GLIPR1L1: variants seen among roughly 807,000 people sequenced by gnomAD.
GLIPR1L1 encodes GLIPR1-like protein 1.
GLIPR1L1 carries 26 observed loss-of-function variants against 29.9 expected under a neutral mutation model. That is an observed-to-expected ratio of 0.87 (90% confidence interval 0.64 to 1.21). The LOEUF is 1.21. Ranked by LOEUF, GLIPR1L1 falls within the 50% of genes most tolerant of loss-of-function variation. The probability of loss-of-function intolerance (pLI) is 0.00; values close to 1 mark genes in which losing one functional copy is unlikely to be tolerated. For synonymous variants in GLIPR1L1, 77 were observed against 97.5 expected (o/e 0.79, Z 1.24); for missense variants, 305 against 290.3 (o/e 1.05, Z -0.37).
intron 1 of GLIPR1L1, among the ~76,000 whole-genome samples, chr12:75,339,582 G>A (rs989309109): frequency 3.3e-5 from 5 of 152,106 alleles, no homozygotes; most frequent in Admixed American, 2.0e-4. Context: ...CCGTACAGAA[G>A]CTCTTTAATT....
intron 4 of GLIPR1L1, among the ~76,000 whole-genome samples, chr12:75,368,896 CTT>C (rs1487090256): frequency 6.6e-6 from 1 of 151,778 alleles, no homozygotes; most frequent in Non-Finnish European, 1.5e-5. Flanking sequence ...TTGTGGAAGA[CTT>C]TAGCAAATTT....
At chr12:75,340,780 A>C (rs2042050847) in intron 1 of GLIPR1L1, among the ~76,000 whole-genome samples, 1 of 152,050 alleles carries the variant, frequency 6.6e-6, no homozygotes, top group Non-Finnish European at 1.5e-5. Flanking sequence ...CAGAAGACTG[A>C]CATTTAGCCA....
chr12:75,370,163 TGA>T lies in GLIPR1L1; in HGVS notation c.719_720del (p.Arg240AsnfsTer17). The T allele has an allele frequency of 6.5e-7, 1 of 1,543,474 alleles. No homozygotes were observed. The highest frequency in any genetic ancestry group is 8.9e-7 in the Non-Finnish European group (1 of 1,118,014). On this transcript the variant is annotated frameshift_variant, in exon 6 of 6. Coordinates refer to ENST00000378695, the MANE Select transcript of GLIPR1L1 (RefSeq NM_001304964.2). LOFTEE classifies it high-confidence loss of function. ...CCATTCAGCTTAGGTTTTCTTCTTC[TGA>T]GAATCTTTTAATGTCATTTATATAC...
chr12:75,346,967 A>G (rs903879460), intron 2 of GLIPR1L1, among the ~76,000 whole-genome samples: 1 of 151,740 alleles, frequency 6.6e-6, no homozygotes, highest in African/African-American at 2.4e-5. Flanking sequence ...TTATTCTATC[A>G]TTGTCACAAA....
intron 3 of GLIPR1L1, among the ~76,000 whole-genome samples, chr12:75,351,736 G>A (rs1481962211): frequency 7.9e-5 from 12 of 152,100 alleles, no homozygotes; most frequent in African/African-American, 2.2e-4. Context: ...TAGTACAGAC[G>A]GGGTTTTGCC....
intron 4 of GLIPR1L1, among the ~76,000 whole-genome samples, chr12:75,364,109 A>C (rs138686639): frequency 6.6e-6 from 1 of 152,334 alleles, no homozygotes; most frequent in East Asian, 1.9e-4. Context: ...TAGATTGTAA[A>C]TGTTTCTTAT....
chr12:75,363,078 A>G, intron 3 of GLIPR1L1, 24 bp from the exon 4 acceptor site: 1 of 1,295,806 alleles, frequency 7.7e-7, no homozygotes, highest in Non-Finnish European at 1.1e-6. Context: ...CCATTTGGCT[A>G]ATCAATGTTT....
At chr12:75,357,796 T>C (rs1020779795) in intron 3 of GLIPR1L1, among the ~76,000 whole-genome samples, 46 of 151,514 alleles carry the variant, frequency 3.0e-4, no homozygotes, top group Admixed American at 2.6e-3. Context: ...AGTTAGAAAG[T>C]ATGCTGAACT....
intron 3 of GLIPR1L1, among the ~76,000 whole-genome samples, chr12:75,351,915 A>G (rs1456012311): frequency 1.3e-5 from 2 of 152,158 alleles, no homozygotes; most frequent in Admixed American, 6.5e-5. Context: ...CAACATCATA[A>G]GCGAAGGAGA....
chr12:75,361,830 CT>C (rs959054628), intron 3 of GLIPR1L1, among the ~76,000 whole-genome samples: 3 of 152,088 alleles, frequency 2.0e-5, no homozygotes, highest in African/African-American at 7.2e-5. Context: ...AGGTTCCTCC[CT>C]CAACACATGG....
chr12:75,345,155 A>G (rs2042363769), intron 2 of GLIPR1L1, among the ~76,000 whole-genome samples: 1 of 152,086 alleles, frequency 6.6e-6, no homozygotes, highest in Admixed American at 6.5e-5. Context: ...TGGTCTCCCC[A>G]AGACTCTCAA....
chr12:75,346,042 T>C (rs2042422405), intron 2 of GLIPR1L1, among the ~76,000 whole-genome samples: 1 of 152,202 alleles, frequency 6.6e-6, no homozygotes, highest in Non-Finnish European at 1.5e-5. Flanking sequence ...ATATTCATAT[T>C]AGAGTTACAT....
At chr12:75,347,564 G>T in intron 2 of GLIPR1L1, 58 bp from the exon 3 acceptor site, 2 of 1,023,552 alleles carry the variant, frequency 2.0e-6, no homozygotes, top group South Asian at 2.6e-5. Flanking sequence ...TTCTCTAAAT[G>T]CATTGTTTGC....
At chr12:75,352,270 A>G (rs575982178) in intron 3 of GLIPR1L1, among the ~76,000 whole-genome samples, 1 of 152,250 alleles carries the variant, frequency 6.6e-6, no homozygotes, top group Admixed American at 6.5e-5. Context: ...CCCATCTCAC[A>G]TGCAAAGACA....
intron 3 of GLIPR1L1, among the ~76,000 whole-genome samples, chr12:75,350,073 G>C (rs1329899214): frequency 1.3e-5 from 2 of 152,232 alleles, no homozygotes; most frequent in African/African-American, 4.8e-5. Context: ...AGACTGACTG[G>C]TTTGGACCAG....
At chr12:75,356,191 T>G (rs569275793) in intron 3 of GLIPR1L1, among the ~76,000 whole-genome samples, 41 of 152,238 alleles carry the variant, frequency 2.7e-4, no homozygotes, top group South Asian at 1.7e-3. Flanking sequence ...CCAGCAGATT[T>G]TTCAGTGGAC....
intron 1 of GLIPR1L1, among the ~76,000 whole-genome samples, chr12:75,338,534 GT>G (rs1436801151): frequency 6.6e-6 from 1 of 151,452 alleles, no homozygotes; most frequent in Non-Finnish European, 1.5e-5. Context: ...TTTCCTGTAG[GT>G]TTTTTTAATA....
chr12:75,356,367 C>T (rs1450088216), intron 3 of GLIPR1L1, among the ~76,000 whole-genome samples: 1 of 151,950 alleles, frequency 6.6e-6, no homozygotes, highest in African/African-American at 2.4e-5. Context: ...TTATTTAATT[C>T]TCTTTCAAAG....
intron 3 of GLIPR1L1, among the ~76,000 whole-genome samples, chr12:75,357,886 A>G (rs1387627854): frequency 1.3e-5 from 2 of 151,794 alleles, no homozygotes; most frequent in Non-Finnish European, 2.9e-5. Context: ...AAGGCCCACA[A>G]TAGAAAAAAA....
Sources: allele counts gnomAD v4.1 joint callset (sites outside exome capture counted in the v4.1 genomes callset), GRCh38; gene constraint gnomAD v4.1.1; transcripts MANE v1.5; gene names NCBI Gene and HGNC (gene_info 2026-07-23, HGNC 2026-07-21).